Variants in SLC28A2 observed in about 807,000 individuals in gnomAD.
The protein encoded by SLC28A2 is sodium/nucleoside cotransporter 2.
A neutral mutation model predicts 72.9 loss-of-function variants in SLC28A2; 69 were observed. That is an observed-to-expected ratio of 0.95 (90% confidence interval 0.78 to 1.16). The LOEUF (loss-of-function observed/expected upper bound fraction) is 1.16, where lower values mean the gene tolerates loss of function less well. Ranked by LOEUF, SLC28A2 falls within the 50% of genes most tolerant of loss-of-function variation. The pLI is 0.00. For missense variants in SLC28A2, 745 were observed against 791.1 expected, an observed-to-expected ratio of 0.94 and a Z score of 0.70; for synonymous variants, 296 against 294.1, an observed-to-expected ratio of 1.01 and a Z score of -0.07.
At chr15:45,271,876 T>G (rs1900583798) in intron 15 of SLC28A2, 2 of 166,374 alleles carry the variant, frequency 1.2e-5, no homozygotes, top group Admixed American at 1.2e-4. Flanking sequence ...GGCTAAGTCT[T>G]AGGCCACACA....
At chr15:45,254,588 T>A (rs1899915805) in intron 3 of SLC28A2, among the ~76,000 whole-genome samples, 1 of 152,226 alleles carries the variant, frequency 6.6e-6, no homozygotes, top group Non-Finnish European at 1.5e-5. Flanking sequence ...CTGTAAGATG[T>A]TAGCATAATT....
At chr15:45,272,576 C>T in intron 16 of SLC28A2, 97 bp from the exon 17 acceptor site, 1 of 852,882 alleles carries the variant, frequency 1.2e-6, no homozygotes, top group South Asian at 1.5e-5. Flanking sequence ...GCAAAGGCAC[C>T]TAATCAAGAG....
At position 45,275,512 on chromosome 15, in the gene SLC28A2, A is replaced by G. The variant is rs1428467041; in HGVS notation, c.1976A>G (p.Ter659=). ...CGFYNNTVCA[*] is the part of the protein sequence containing the mutation. Reference sequence around the variant, plus strand: ...TTCTACAACAATACCGTCTGTGCCTAAGGCTGCTTGATCTATTTCTATAAC... The same window carrying G: ...TTCTACAACAATACCGTCTGTGCCTGAGGCTGCTTGATCTATTTCTATAAC... The change falls in exon 18 of 18, where the codon TAA becomes TGA. Residue 659 remains the stop codon, a stop_retained_variant. Transcript: ENST00000347644. 1 of 1,563,756 alleles carries G rather than the reference A, an allele frequency of 6.4e-7. No homozygotes were observed. Among genetic ancestry groups the G allele is most frequent in the Non-Finnish European group, 8.8e-7 (1 of 1,135,356 alleles).
intron 3 of SLC28A2, among the ~76,000 whole-genome samples, chr15:45,256,926 A>C (rs1899996359): frequency 6.6e-6 from 1 of 152,116 alleles, no homozygotes; most frequent in African/African-American, 2.4e-5. Context: ...GAACAAAGCC[A>C]AACTCCACAG....
rs1317261223 is a variant in SLC28A2 at position 45,276,699 on chromosome 15, A to C, written c.*1186A>C. 1 of 152,136 alleles carries C rather than the reference A, an allele frequency of 6.6e-6. No individual in the cohort carries two copies. The highest frequency in any genetic ancestry group is 1.5e-5 in the Non-Finnish European group (1 of 68,008). 9.4% of individuals were successfully genotyped at this position (152,136 alleles called of 1,614,324 possible). Reference sequence around the variant, plus strand: ...CTGGGACGGGGGAGAAGCTACATTTATTGGCATTGTGGATGAGCTGGATTT... The same window carrying C: ...CTGGGACGGGGGAGAAGCTACATTTCTTGGCATTGTGGATGAGCTGGATTT... On this transcript the variant is annotated 3_prime_UTR_variant, in exon 18 of 18. Coordinates refer to ENST00000347644, the MANE Select transcript of SLC28A2 (RefSeq NM_004212.4).
At position 45,265,217 on chromosome 15, in the gene SLC28A2, A is replaced by G. The variant is rs772981496; in HGVS notation, c.780+51A>G. The G allele has an allele frequency of 1.1e-5, 13 of 1,211,536 alleles. No individual in the cohort carries two copies. In the East Asian group the frequency reaches 2.6e-4, roughly 24 times the overall value. 75.0% of individuals were successfully genotyped at this position (1,211,536 alleles called of 1,614,324 possible). ...TGATGGTCTATGGAGGGGTAGAGGA[A>G]TAAAGCAGAGGATGAAAGTGTGTGT... On this transcript the variant is annotated intron_variant, in intron 8 of 17. Transcript: ENST00000347644.
At chr15:45,275,347 C>T (rs768933046) in intron 17 of SLC28A2, 49 bp from the exon 18 acceptor site, 12 of 1,090,502 alleles carry the variant, frequency 1.1e-5, no homozygotes, top group Non-Finnish European at 1.4e-5. Context: ...TGTTTTGTTG[C>T]TTTGTTCCTG....
At chr15:45,255,262 A>AT (rs1174278245) in intron 3 of SLC28A2, 1 of 151,504 alleles carries the variant, frequency 6.6e-6, no homozygotes, top group East Asian at 1.9e-4. Context: ...TTGAAAAAAA[A>AT]AAAAGAAGAA....
Position 45,275,534 on chromosome 15 carries a change from T to C in SLC28A2, c.*21T>C, listed in dbSNP as rs1900729193. The C allele has an allele frequency of 6.8e-7, 1 of 1,465,260 alleles. No homozygotes were observed. The highest frequency in any genetic ancestry group is 9.5e-7 in the Non-Finnish European group (1 of 1,048,000). 90.8% of individuals were successfully genotyped at this position (1,465,260 alleles called of 1,614,324 possible). ...CCTAAGGCTGCTTGATCTATTTCTATAACAGTTTTGATCTTAAAAGCTTTG... is the reference window on the plus strand; with the variant it reads ...CCTAAGGCTGCTTGATCTATTTCTACAACAGTTTTGATCTTAAAAGCTTTG... On this transcript the variant is annotated 3_prime_UTR_variant, in exon 18 of 18. Transcript: ENST00000347644.
chr15:45,274,079 T>C (rs889723439), intron 17 of SLC28A2, among the ~76,000 whole-genome samples: 1 of 152,040 alleles, frequency 6.6e-6, no homozygotes, highest in African/African-American at 2.4e-5. Flanking sequence ...GCCTGAGCCA[T>C]CATGCCCAGC....
At chr15:45,271,019 C>G (rs1900540876) in intron 15 of SLC28A2, among the ~76,000 whole-genome samples, 2 of 152,090 alleles carry the variant, frequency 1.3e-5, no homozygotes, top group African/African-American at 4.8e-5. Context: ...AGAATTAAAA[C>G]AAATAAAAGC....
Position 45,265,630 on chromosome 15 carries a change from C to A in SLC28A2, c.828C>A (p.Tyr276Ter). The change falls in exon 9 of 18, where the codon TAC becomes TAA. Residue 276 changes from tyrosine (Y) to a stop codon, truncating the protein, a stop_gained. Transcript: ENST00000347644. LOFTEE classifies it high-confidence loss of function. ...IFFGCVVSIL[Y>*]YLGLVQWVVQ... ...TTGGATGTGTGGTGTCCATTCTCTACTACCTGGGCCTTGTGCAATGGGTAG... is the reference window on the plus strand; with the variant it reads ...TTGGATGTGTGGTGTCCATTCTCTAATACCTGGGCCTTGTGCAATGGGTAG... 6.2e-7 allele frequency: 1 copy of A among 1,613,570 alleles called. No homozygotes were observed. The highest frequency in any genetic ancestry group is 8.5e-7 in the Non-Finnish European group (1 of 1,179,468).
chr15:45,265,157 T>C lies in SLC28A2; in HGVS notation c.771T>C (p.Phe257=). The C allele has an allele frequency of 6.2e-7, 1 of 1,604,684 alleles. No homozygotes were observed. Among genetic ancestry groups the C allele is most frequent in the Non-Finnish European group, 8.5e-7 (1 of 1,171,454 alleles). ...GGGATACACTGGTCAAGGATGTCTT[T>C]GCTTTTCAGGTGATACCTATTTTAT... ...VFGDTLVKDV[F]AFQALPIIIF... Residue 257 remains phenylalanine, a synonymous_variant, in exon 8 of 18, where the codon TTT becomes TTC. Coordinates refer to ENST00000347644, the MANE Select transcript of SLC28A2 (RefSeq NM_004212.4).
intron 14 of SLC28A2, 33 bp from the exon 15 acceptor site, chr15:45,270,162 A>AT: frequency 6.7e-7 from 1 of 1,486,600 alleles, no homozygotes; most frequent in Non-Finnish European, 9.4e-7. Flanking sequence ...ATGGGACTGA[A>AT]TTTATTTGCT....
chr15:45,275,279 TG>T, intron 17 of SLC28A2, 116 bp from the exon 18 acceptor site: 1 of 668,484 alleles, frequency 1.5e-6, no homozygotes, highest in Non-Finnish European at 2.7e-6. Flanking sequence ...TCATGGCTGA[TG>T]GGTCAATTTA....
chr15:45,276,680 C>G lies in SLC28A2; in HGVS notation c.*1167C>G, dbSNP rs77609947. The stretch of plus-strand genomic sequence containing the variant: ...GATTTAGTATGTAATTTGCCTGGGA[C>G]GGGGGAGAAGCTACATTTATTGGCA... On this transcript the variant is annotated 3_prime_UTR_variant, in exon 18 of 18. Coordinates refer to ENST00000347644, the MANE Select transcript of SLC28A2 (RefSeq NM_004212.4). 4 of 151,844 alleles carry G rather than the reference C, an allele frequency of 2.6e-5. No homozygotes were observed. The highest frequency in any genetic ancestry group is 5.9e-5 in the Non-Finnish European group (4 of 67,994). The allele number at this position is 151,844 out of a possible 1,614,324, so 9.4% of individuals were successfully genotyped here.
At position 45,275,607 on chromosome 15, in the gene SLC28A2, C is replaced by A; in HGVS notation, c.*94C>A. 1 of 759,268 alleles carries A rather than the reference C, an allele frequency of 1.3e-6. No homozygotes were observed. Among genetic ancestry groups the A allele is most frequent in the Non-Finnish European group, 2.3e-6 (1 of 436,556 alleles). 47.0% of individuals were successfully genotyped at this position (759,268 alleles called of 1,614,324 possible). A position where few individuals can be genotyped will look rare whatever the true frequency, so the allele number is the denominator to read the frequency against. On this transcript the variant is annotated 3_prime_UTR_variant, in exon 18 of 18. Transcript: ENST00000347644. The stretch of plus-strand genomic sequence containing the variant: ...CTCAGGGTGCCCACAACTCACTCAC[C>A]AAGATGTTTAACAGTAAGTAACAGT...
At chr15:45,267,823 G>A in intron 12 of SLC28A2, 27 bp downstream of exon 12, 1 of 1,613,122 alleles carries the variant, frequency 6.2e-7, no homozygotes, top group Non-Finnish European at 8.5e-7. Context: ...ATATACTTTG[G>A]GAGATGGTGA....
At chr15:45,253,829 T>C (rs968980040) in intron 3 of SLC28A2, 2 of 187,740 alleles carry the variant, frequency 1.1e-5, no homozygotes, top group African/African-American at 4.7e-5. Context: ...TTACAACAGG[T>C]AGGTATTCAT....
Sources: allele counts gnomAD v4.1 joint callset (sites outside exome capture counted in the v4.1 genomes callset), GRCh38; gene constraint gnomAD v4.1.1; transcripts MANE v1.5; gene names NCBI Gene and HGNC (gene_info 2026-07-23, HGNC 2026-07-21).